The following IRAK1BP1 variants were observed in gnomAD, a reference collection of about 807,000 sequenced individuals.
IRAK1BP1 encodes the protein interleukin-1 receptor-associated kinase 1-binding protein 1.
Under a neutral mutation model 28.0 loss-of-function variants are expected in IRAK1BP1, and 24 were observed. That is an observed-to-expected ratio of 0.86 (90% confidence interval 0.62 to 1.20). The LOEUF (loss-of-function observed/expected upper bound fraction) is 1.20, where lower values mean the gene tolerates loss of function less well. IRAK1BP1 is among the 50% of genes most tolerant of loss of function. The pLI, the probability that IRAK1BP1 is intolerant of heterozygous loss-of-function variation, is 0.00. For missense variants in IRAK1BP1, 336 were observed against 316.7 expected, an observed-to-expected ratio of 1.06 and a Z score of -0.46; for synonymous variants, 131 against 116.3, an observed-to-expected ratio of 1.13 and a Z score of -0.81.
the IRAK1BP1 span, among the ~76,000 whole-genome samples, chr6:78,952,213 G>A: frequency 8.5e-3 from 1,295 of 152,154 alleles, 21 homozygotes; most frequent in African/African-American, 0.029. Context: ...AAGGTCAAGA[G>A]ATTGAGACCA....
intron 4 of IRAK1BP1, among the ~76,000 whole-genome samples, chr6:78,925,624 AT>A (rs1219935440): frequency 6.6e-6 from 1 of 152,066 alleles, no homozygotes; most frequent in African/African-American, 2.4e-5. Flanking sequence ...GTGGAAAGCA[AT>A]TTGGAGAGTT....
chr6:78,943,990 T>TAAAAAAAA (rs558983037), intron 4 of IRAK1BP1, among the ~76,000 whole-genome samples: 2 of 78,154 alleles, frequency 2.6e-5, no homozygotes, highest in African/African-American at 5.2e-5. Flanking sequence ...TGTCTTTTTT[T>TAAAAAAAA]AAAAAAAAAA....
At chr6:78,946,587 C>G (rs571612973), downstream of IRAK1BP1, 3 of 1,415,858 alleles carry the variant, frequency 2.1e-6, no homozygotes, top group African/African-American at 3.0e-5. Flanking sequence ...ATCATAGGAA[C>G]TTGCATGTCA....
chr6:78,935,999 T>C (rs923760964), intron 4 of IRAK1BP1: 3 of 152,394 alleles, frequency 2.0e-5, no homozygotes, highest in African/African-American at 7.2e-5. Context: ...AAAACTAACA[T>C]AGAAAGTGTC....
the IRAK1BP1 span, chr6:78,958,431 T>C: frequency 2.5e-6 from 3 of 1,197,984 alleles, no homozygotes; most frequent in Non-Finnish European, 3.7e-6. Flanking sequence ...GTAGTGCCAT[T>C]AATTATTAAA....
rs1469949724 is a variant in IRAK1BP1, at chr6:78,899,853, A to C, written c.*1519A>C. 1 of 152,242 alleles carries C rather than the reference A, an allele frequency of 6.6e-6. No homozygotes were observed. Among genetic ancestry groups the C allele is most frequent in the Non-Finnish European group, 1.5e-5 (1 of 68,034 alleles). The allele number at this position is 152,242 out of a possible 1,614,324, so 9.4% of individuals were successfully genotyped here. On this transcript the variant is annotated 3_prime_UTR_variant, in exon 4 of 4. Coordinates refer to ENST00000369940, the MANE Select transcript of IRAK1BP1 (RefSeq NM_001010844.4). Reference sequence around the variant, plus strand: ...AAAAATATTATTTCAGCATGTAATCAGTATTTTTTAAATTGAGATATTTGT... The same window carrying C: ...AAAAATATTATTTCAGCATGTAATCCGTATTTTTTAAATTGAGATATTTGT...
the IRAK1BP1 span, among the ~76,000 whole-genome samples, chr6:78,971,671 G>A: frequency 0.34 from 51,077 of 151,852 alleles, 8,753 homozygotes; most frequent in Non-Finnish European, 0.35. Flanking sequence ...GTGGGTGCGC[G>A]CACCGTGTGC....
rs988076696 is a variant in IRAK1BP1 at position 78,945,715 on chromosome 6, T to C, written c.*375T>C. ...AGAAGCTGTCCCATCATTTCAAAAT[T>C]TCGAAGGCAAGTCTTGGCAAATTGC... is the stretch of plus-strand genomic sequence containing the variant. On this transcript the variant is annotated 3_prime_UTR_variant and NMD_transcript_variant, in exon 5 of 5. Transcript: ENST00000606868. 4 of 601,214 alleles carry C rather than the reference T, an allele frequency of 6.7e-6. No homozygotes were observed. The African/African-American group carries it at 7.5e-5, about 11-fold the overall frequency. The allele number at this position is 601,214 out of a possible 1,614,324, so 37.2% of individuals were successfully genotyped here.
intron 2 of IRAK1BP1, among the ~76,000 whole-genome samples, chr6:78,890,177 A>G (rs1771590037): frequency 6.6e-6 from 1 of 151,982 alleles, no homozygotes; most frequent in African/African-American, 2.4e-5. Context: ...GGAACAGGAA[A>G]TCAAACACCG....
At chr6:78,932,038 C>T (rs945871081) in intron 4 of IRAK1BP1, among the ~76,000 whole-genome samples, 3 of 152,156 alleles carry the variant, frequency 2.0e-5, no homozygotes, top group Non-Finnish European at 2.9e-5. Flanking sequence ...AGCATCTTCA[C>T]CAAAAGTAGA....
the IRAK1BP1 span, among the ~76,000 whole-genome samples, chr6:78,968,307 A>T: frequency 6.6e-6 from 1 of 152,208 alleles, no homozygotes; most frequent in Admixed American, 6.5e-5. Context: ...AGTAAGTATC[A>T]GAGTTGATTC....
the IRAK1BP1 span, among the ~76,000 whole-genome samples, chr6:78,964,327 G>C: frequency 2.0e-5 from 3 of 152,082 alleles, no homozygotes; most frequent in Non-Finnish European, 4.4e-5. Context: ...TGAGGTCTAC[G>C]AGACTGGGTT....
chr6:78,974,955 C>A, the IRAK1BP1 span, among the ~76,000 whole-genome samples: 2 of 151,616 alleles, frequency 1.3e-5, no homozygotes, highest in African/African-American at 2.4e-5. Flanking sequence ...CAAGGAGGAA[C>A]TGGTACCATT....
the IRAK1BP1 span, chr6:78,955,335 T>A: frequency 1.6e-6 from 2 of 1,258,418 alleles, no homozygotes; most frequent in Non-Finnish European, 2.3e-6. Context: ...GTCATTATAC[T>A]TTATAGTTGA....
rs1772000695 is a variant in IRAK1BP1, at chr6:78,898,876, T to G, written c.*542T>G. On this transcript the variant is annotated 3_prime_UTR_variant, in exon 4 of 4. Transcript: ENST00000369940. ...AATTTTAAGTGCATCCTGTCAGGTC[T>G]GATATTTAATTTTACTTTAGTTAGA... is the stretch of plus-strand genomic sequence containing the variant. 2 of 152,166 alleles carry G rather than the reference T, an allele frequency of 1.3e-5. No homozygotes were observed. 9.4% of individuals were successfully genotyped at this position (152,166 alleles called of 1,614,324 possible).
intron 4 of IRAK1BP1, chr6:78,941,339 G>C (rs369383951): frequency 6.2e-6 from 10 of 1,605,070 alleles, no homozygotes; most frequent in Non-Finnish European, 7.7e-6. Flanking sequence ...TCCTAAAAGG[G>C]AACAACAGTA....
intron 4 of IRAK1BP1, among the ~76,000 whole-genome samples, chr6:78,930,082 T>C (rs1773003434): frequency 6.6e-6 from 1 of 152,100 alleles, no homozygotes; most frequent in Non-Finnish European, 1.5e-5. Flanking sequence ...ACTAGAGGCA[T>C]GTACCACCAT....
chr6:78,979,003 C>G, the IRAK1BP1 span, among the ~76,000 whole-genome samples: 1 of 152,030 alleles, frequency 6.6e-6, no homozygotes, highest in Non-Finnish European at 1.5e-5. Context: ...TGTGTAGGCA[C>G]TGTAGTAGGT....
downstream of IRAK1BP1, among the ~76,000 whole-genome samples, chr6:78,950,531 T>G (rs1774084423): frequency 6.6e-6 from 1 of 152,238 alleles, no homozygotes; most frequent in Non-Finnish European, 1.5e-5. Context: ...ATAGGGTTAC[T>G]GAGTTATTTG....
Sources: gnomAD v4.1 joint callset for allele counts (sites outside exome capture counted in the v4.1 genomes callset) on GRCh38, gnomAD v4.1.1 for gene constraint, MANE v1.5 for transcripts, NCBI Gene and HGNC (gene_info 2026-07-23, HGNC 2026-07-21) for gene names.